The following PLXNA4 variants were observed in gnomAD, a reference collection of about 807,000 sequenced individuals.
The protein encoded by PLXNA4 is plexin A4.
Under a neutral mutation model 191.8 loss-of-function variants are expected in PLXNA4, and 44 were observed. That is an observed-to-expected ratio of 0.23 (90% CI 0.18 to 0.29). The LOEUF is 0.29. Among genes scored for constraint, PLXNA4 ranks in the 10% least tolerant of loss-of-function variants. The pLI is 1.00. For synonymous variants in PLXNA4, 1,082 were observed against 1,009.5 expected (o/e 1.07, Z -1.36); for missense variants, 1,800 against 2,488.8 (o/e 0.72, Z 5.89).
At chr7:132,503,722 C>T (rs1192195609) in intron 2 of PLXNA4, among the ~76,000 whole-genome samples, 1 of 152,216 alleles carries the variant, frequency 6.6e-6, no homozygotes, top group Non-Finnish European at 1.5e-5. Context: ...CACTGCCATT[C>T]CCCACATGAG....
At chr7:132,220,525 C>T (rs1798108680) in intron 9 of PLXNA4, among the ~76,000 whole-genome samples, 1 of 152,140 alleles carries the variant, frequency 6.6e-6, no homozygotes, top group African/African-American at 2.4e-5. Context: ...CTGCCAGGCT[C>T]ACCATACTAT....
chr7:132,412,955 G>A (rs562587486), intron 3 of PLXNA4, among the ~76,000 whole-genome samples: 51 of 152,278 alleles, frequency 3.3e-4, no homozygotes, highest in African/African-American at 9.4e-4. Context: ...TATTGCTGAT[G>A]TGGAGGGATT....
At chr7:132,563,629 T>C (rs1419915819) in intron 1 of PLXNA4, among the ~76,000 whole-genome samples, 33 of 83,252 alleles carry the variant, frequency 4.0e-4, no homozygotes, top group African/African-American at 5.6e-4. Context: ...CCTCCTTCTC[T>C]TCCTCCTTCT....
chr7:132,543,879 G>A (rs759963343), intron 1 of PLXNA4, among the ~76,000 whole-genome samples: 1 of 152,174 alleles, frequency 6.6e-6, no homozygotes, highest in Middle Eastern at 3.2e-3. Context: ...CAAACTTTCA[G>A]AGAAGAAGGC....
At chr7:132,470,273 T>C (rs1443201022) in intron 3 of PLXNA4, among the ~76,000 whole-genome samples, 2 of 152,216 alleles carry the variant, frequency 1.3e-5, no homozygotes, top group African/African-American at 4.8e-5. Context: ...AGGGGGGGCC[T>C]GTCCTCACCC....
At chr7:132,148,449 G>T (rs1795498749) in intron 26 of PLXNA4, 94 bp downstream of exon 26, 5 of 1,539,952 alleles carry the variant, frequency 3.2e-6, no homozygotes, top group East Asian at 2.3e-5. Flanking sequence ...GCTGGTGAGG[G>T]GCTTGGTGTC....
At chr7:132,560,869 C>T (rs186601940) in intron 1 of PLXNA4, among the ~76,000 whole-genome samples, 21 of 152,282 alleles carry the variant, frequency 1.4e-4, no homozygotes, top group Admixed American at 1.0e-3. Flanking sequence ...ATGCACTTCT[C>T]AGATCAGCCC....
chr7:132,370,482 C>T (rs1804392361), intron 3 of PLXNA4, among the ~76,000 whole-genome samples: 1 of 152,184 alleles, frequency 6.6e-6, no homozygotes, highest in Admixed American at 6.5e-5. Flanking sequence ...ATTCTTAATG[C>T]TGGCAAACAA....
At chr7:132,594,938 GATAGATAGATAGAT>G (rs1802671959) in intron 2 of PLXNA4, among the ~76,000 whole-genome samples, 1 of 150,212 alleles carries the variant, frequency 6.7e-6, no homozygotes, top group African/African-American at 2.5e-5. Flanking sequence ...TAGATAGATA[GATAGATAGATAGAT>G]AGATAGATAG....
At chr7:132,234,232 C>A (rs1312733889) in intron 5 of PLXNA4, among the ~76,000 whole-genome samples, 1 of 152,212 alleles carries the variant, frequency 6.6e-6, no homozygotes, top group Non-Finnish European at 1.5e-5. Flanking sequence ...AACAATGACT[C>A]CAGTTGATTC....
At chr7:132,191,908 T>A (rs535765129) in intron 14 of PLXNA4, among the ~76,000 whole-genome samples, 1 of 152,218 alleles carries the variant, frequency 6.6e-6, no homozygotes, top group African/African-American at 2.4e-5. Context: ...GTTGTCTTAA[T>A]GTCTATTGGG....
intron 3 of PLXNA4, chr7:132,385,337 C>T (rs1223937815): frequency 6.4e-7 from 1 of 1,570,674 alleles, no homozygotes; most frequent in African/African-American, 1.4e-5. Flanking sequence ...CCATGGTGCA[C>T]AAGATATGCC....
At chr7:132,388,470 C>A (rs1192127989) in intron 3 of PLXNA4, among the ~76,000 whole-genome samples, 5 of 152,102 alleles carry the variant, frequency 3.3e-5, no homozygotes, top group African/African-American at 1.2e-4. Flanking sequence ...AGATATTCCA[C>A]CACGATGATA....
intron 3 of PLXNA4, among the ~76,000 whole-genome samples, chr7:132,328,505 T>G (rs1802463645): frequency 6.6e-6 from 1 of 152,122 alleles, no homozygotes; most frequent in South Asian, 2.1e-4. Flanking sequence ...CTCCACCACC[T>G]CTGTTCCAGT....
At chr7:132,416,151 C>T (rs576632859) in intron 3 of PLXNA4, among the ~76,000 whole-genome samples, 13 of 152,252 alleles carry the variant, frequency 8.5e-5, no homozygotes, top group Admixed American at 6.5e-4. Context: ...CACTAGGTAA[C>T]ACTGGTTAGA....
intron 3 of PLXNA4, among the ~76,000 whole-genome samples, chr7:132,451,666 T>C (rs947396985): frequency 6.6e-6 from 1 of 152,196 alleles, no homozygotes; most frequent in African/African-American, 2.4e-5. Flanking sequence ...CATTGAAATA[T>C]CCCTGCATGT....
rs185513786 is a variant in PLXNA4 at position 132,231,506 on chromosome 7, C to A, written c.1605-3037G>T. ...GTGGCGTAATCTCAGCTCTCTGCAA[C>A]CTCCACCTCCTGGGCTCAAGCCATC... On this transcript the variant is annotated intron_variant, in intron 5 of 31. Coordinates refer to ENST00000321063, the MANE Select transcript of PLXNA4 (RefSeq NM_020911.2). Among the ~76,000 whole-genome samples, 1,310 of 152,290 alleles carry A rather than the reference C, an allele frequency of 8.6e-3. 12 individuals are homozygous for A. The highest frequency in any genetic ancestry group is 0.02 in the Middle Eastern group (6 of 294).
intron 3 of PLXNA4, among the ~76,000 whole-genome samples, chr7:132,330,866 G>T (rs1802563801): frequency 6.6e-6 from 1 of 151,954 alleles, no homozygotes; most frequent in East Asian, 1.9e-4. Flanking sequence ...TACAGGTGCT[G>T]CTTACAAACA....
chr7:132,132,469 TCTGCTCTGC>T (rs1563048372), intron 31 of PLXNA4, among the ~76,000 whole-genome samples: 974 of 41,258 alleles, frequency 0.024, 36 homozygotes, highest in Middle Eastern at 0.048. Context: ...TCTGTTCTGC[TCTGCTCTGC>T]TCTGCTCTGC....
Sources: gnomAD v4.1 joint callset for allele counts (sites outside exome capture counted in the v4.1 genomes callset) on GRCh38, gnomAD v4.1.1 for gene constraint, MANE v1.5 for transcripts, NCBI Gene and HGNC (gene_info 2026-07-23, HGNC 2026-07-21) for gene names.